ARHGAP22: variants seen among roughly 807,000 people sequenced by gnomAD.
The protein encoded by ARHGAP22 is Rho GTPase activating protein 22.
ARHGAP22 carries 48 observed loss-of-function variants against 59.1 expected under a neutral mutation model. The ratio of observed to expected loss-of-function variants is 0.81; its 90% confidence interval spans 0.64 to 1.03. The LOEUF is 1.03. Ranked by LOEUF, ARHGAP22 falls within the 50% of genes least tolerant of loss-of-function variation. The pLI is 0.00. For synonymous variants in ARHGAP22, 445 were observed against 416.4 expected (o/e 1.07, Z -0.84); for missense variants, 1,015 against 958.7 (o/e 1.06, Z -0.78).
intron 1 of ARHGAP22, among the ~76,000 whole-genome samples, chr10:48,583,495 G>A (rs1345897061): frequency 2.6e-5 from 4 of 152,144 alleles, no homozygotes; most frequent in Admixed American, 2.0e-4. Flanking sequence ...GTTCATCCAC[G>A]GATTCATCCA....
intron 5 of ARHGAP22, among the ~76,000 whole-genome samples, chr10:48,457,908 G>A (rs1219103480): frequency 6.7e-6 from 1 of 148,178 alleles, no homozygotes; most frequent in Admixed American, 6.7e-5. Flanking sequence ...TGGGTGAGGA[G>A]GAGACCCTCT....
At chr10:48,637,320 C>T (rs539530595) in intron 1 of ARHGAP22, among the ~76,000 whole-genome samples, 35 of 152,110 alleles carry the variant, frequency 2.3e-4, no homozygotes, top group African/African-American at 6.8e-4. Context: ...CAGAGATGGC[C>T]GACAGGGGAC....
rs567152578 is a variant in ARHGAP22, at chr10:48,647,152, C to T, written c.52+5082G>A. 1.7e-3 allele frequency among the ~76,000 whole-genome samples: 263 copies of T among 152,258 alleles called. 1 individual carries two copies. The highest frequency in any genetic ancestry group is 5.9e-3 in the African/African-American group (244 of 41,536). ...TTTACACTTGTAATCCCAACACTTT[C>T]GCAGGCTGAGAGGGGTGGATCACCT... is the stretch of plus-strand genomic sequence containing the variant. On this transcript the variant is annotated intron_variant, in intron 1 of 9. Transcript: ENST00000435790.
chr10:48,636,917 G>T (rs2061842262), intron 1 of ARHGAP22, among the ~76,000 whole-genome samples: 1 of 152,234 alleles, frequency 6.6e-6, no homozygotes, highest in African/African-American at 2.4e-5. Flanking sequence ...AGTTGGAATA[G>T]TACATTGGGG....
At chr10:48,496,792 G>A (rs867844604) in intron 3 of ARHGAP22, among the ~76,000 whole-genome samples, 13 of 152,298 alleles carry the variant, frequency 8.5e-5, no homozygotes, top group South Asian at 6.2e-4. Context: ...ATGGAGGGGG[G>A]CTGCATCTTG....
At chr10:48,538,198 C>G (rs1056478305) in intron 3 of ARHGAP22, among the ~76,000 whole-genome samples, 1 of 152,170 alleles carries the variant, frequency 6.6e-6, no homozygotes, top group Non-Finnish European at 1.5e-5. Flanking sequence ...CCTAGAAACC[C>G]TTGGCTTGTA....
chr10:48,455,283 G>T, intron 5 of ARHGAP22, 149 bp from the exon 6 acceptor site: 1 of 959,028 alleles, frequency 1.0e-6, no homozygotes, highest in Non-Finnish European at 1.5e-6. Context: ...AGCTGCCCTG[G>T]TCAAGGAAAG....
At chr10:48,552,753 A>G (rs996470008) in intron 3 of ARHGAP22, among the ~76,000 whole-genome samples, 7 of 152,336 alleles carry the variant, frequency 4.6e-5, no homozygotes, top group Non-Finnish European at 8.8e-5. Context: ...TTGGATGTGA[A>G]TGGGTTTCTT....
In ARHGAP22 at chr10:48,583,075, CG is replaced by C. The variant is rs746111555; in HGVS notation, c.111del (p.Val38CysfsTer2). The C allele has an allele frequency of 6.2e-7, 1 of 1,614,278 alleles. No homozygotes were observed. The highest frequency in any genetic ancestry group is 8.5e-7 in the Non-Finnish European group (1 of 1,180,058). On this transcript the variant is annotated frameshift_variant, in exon 2 of 10. Coordinates refer to ENST00000249601, the MANE Select transcript of ARHGAP22 (RefSeq NM_021226.4). LOFTEE classifies it high-confidence loss of function. The stretch of plus-strand genomic sequence containing the variant: ...TTCTTCAGCCAGCCCGCCTTCAGCA[CG>C]GGGCCCAGCCTGTGAGGGCACGGCA... Reference protein sequence around the residue: ...GRMPCPHRLGPVLKAGWLKKQ... With the variant: ...GRMPCPHRLGXVLKAGWLKKQ...
At chr10:48,431,076 G>T in the ARHGAP22 span, 1 of 688,788 alleles carries the variant, frequency 1.5e-6, no homozygotes, top group Non-Finnish European at 2.6e-6. Context: ...GACTGTCATT[G>T]TAAGGACACT....
chr10:48,634,677 G>C (rs910087706), intron 1 of ARHGAP22, among the ~76,000 whole-genome samples: 1 of 152,102 alleles, frequency 6.6e-6, no homozygotes, highest in Non-Finnish European at 1.5e-5. Context: ...TCTCAGGGCT[G>C]ACAGCTCTGA....
At chr10:48,479,361 G>A (rs142343773) in intron 4 of ARHGAP22, among the ~76,000 whole-genome samples, 30 of 152,256 alleles carry the variant, frequency 2.0e-4, no homozygotes, top group African/African-American at 7.0e-4. Flanking sequence ...AGGCGGAGGT[G>A]TGGCCTATCC....
chr10:48,586,648 C>A (rs990627050), intron 1 of ARHGAP22, among the ~76,000 whole-genome samples: 3 of 152,176 alleles, frequency 2.0e-5, no homozygotes, highest in Non-Finnish European at 4.4e-5. Context: ...CCCATCACTA[C>A]CAACATAAAA....
At chr10:48,578,315 C>G (rs942109685) in intron 2 of ARHGAP22, among the ~76,000 whole-genome samples, 1 of 152,154 alleles carries the variant, frequency 6.6e-6, no homozygotes, top group Non-Finnish European at 1.5e-5. Context: ...CAGCCTCTCC[C>G]TCATCTGTTT....
At chr10:48,543,792 C>T (rs1280861610) in intron 3 of ARHGAP22, among the ~76,000 whole-genome samples, 1 of 151,964 alleles carries the variant, frequency 6.6e-6, no homozygotes, top group African/African-American at 2.4e-5. Flanking sequence ...TCATTGGAAG[C>T]TTGTTTGTCT....
At chr10:48,562,030 G>A (rs1478923380) in intron 2 of ARHGAP22, among the ~76,000 whole-genome samples, 1 of 152,124 alleles carries the variant, frequency 6.6e-6, no homozygotes, top group Non-Finnish European at 1.5e-5. Flanking sequence ...TTCGAGACCA[G>A]CTTGACCAAT....
At chr10:48,587,294 G>A (rs938847162) in intron 1 of ARHGAP22, among the ~76,000 whole-genome samples, 1 of 152,242 alleles carries the variant, frequency 6.6e-6, no homozygotes, top group Non-Finnish European at 1.5e-5. Context: ...CCTGGGAGGT[G>A]GAGCTGACAA....
In ARHGAP22 at chr10:48,459,024, A is replaced by G. The variant is rs76413932; in HGVS notation, c.659+660T>C. Among the ~76,000 whole-genome samples, 44 of 152,272 alleles carry G rather than the reference A, an allele frequency of 2.9e-4. No homozygotes were observed. In the East Asian group the frequency reaches 8.5e-3, roughly 30 times the overall value. On this transcript the variant is annotated intron_variant, in intron 5 of 9. Coordinates refer to ENST00000249601, the MANE Select transcript of ARHGAP22 (RefSeq NM_021226.4). ...TCCAAGAAGACAGGGCATAAGCCCCATGGAGGGTAGTTTTTCCTGATGTAG... is the reference window on the plus strand; with the variant it reads ...TCCAAGAAGACAGGGCATAAGCCCCGTGGAGGGTAGTTTTTCCTGATGTAG...
At chr10:48,430,947 C>T in the ARHGAP22 span, 1 of 508,134 alleles carries the variant, frequency 2.0e-6, no homozygotes. Context: ...ACTATCAAAC[C>T]AACTTCAGAA....
Sources: gnomAD v4.1 joint callset for allele counts (sites outside exome capture counted in the v4.1 genomes callset) on GRCh38, gnomAD v4.1.1 for gene constraint, MANE v1.5 for transcripts, NCBI Gene and HGNC (gene_info 2026-07-23, HGNC 2026-07-21) for gene names.